The following PDZD2 variants were observed in gnomAD, a reference collection of about 807,000 sequenced individuals.
PDZD2 encodes PDZ domain-containing protein 2.
In PDZD2, 90 loss-of-function variants were observed where a neutral mutation model predicts 220.7. The ratio of observed to expected loss-of-function variants is 0.41; its 90% CI spans 0.34 to 0.49. PDZD2 has a LOEUF of 0.49. PDZD2 is among the 20% of genes least tolerant of loss of function. PDZD2 has a pLI of 0.28. For missense variants in PDZD2, 3,174 were observed against 3,608.5 expected (o/e 0.88, Z 3.08); for synonymous variants, 1,375 against 1,450.5 (o/e 0.95, Z 1.18).
intron 1 of PDZD2, among the ~76,000 whole-genome samples, chr5:31,721,158 G>A (rs1161430384): frequency 5.3e-5 from 8 of 152,214 alleles, no homozygotes; most frequent in African/African-American, 1.2e-4. Flanking sequence ...ATGGATGACT[G>A]AGCACATCCT....
chr5:31,874,749 C>A (rs944317863), intron 2 of PDZD2, among the ~76,000 whole-genome samples: 3 of 138,598 alleles, frequency 2.2e-5, no homozygotes, highest in Non-Finnish European at 3.0e-5. Context: ...CAGCAGAACA[C>A]GACTCTATCT....
At chr5:31,747,404 A>G (rs1327470059) in intron 1 of PDZD2, among the ~76,000 whole-genome samples, 3 of 152,174 alleles carry the variant, frequency 2.0e-5, no homozygotes, top group Non-Finnish European at 2.9e-5. Context: ...CTGTGTCTTC[A>G]GTGATAGGAT....
intron 5 of PDZD2, among the ~76,000 whole-genome samples, chr5:32,003,327 ACC>A (rs1404500572): frequency 6.9e-5 from 2 of 29,136 alleles, no homozygotes; most frequent in African/African-American, 1.6e-4. Context: ...CCACACACAC[ACC>A]CCCACCACAC....
At chr5:32,053,052 T>C (rs906772958) in intron 9 of PDZD2, among the ~76,000 whole-genome samples, 2 of 152,234 alleles carry the variant, frequency 1.3e-5, no homozygotes, top group Non-Finnish European at 2.9e-5. Flanking sequence ...GAAGGACCGC[T>C]AAAGTGGCCT....
rs202203587 is a variant in PDZD2, at chr5:32,088,609, C to G, written c.5161C>G (p.Pro1721Ala). Residue 1721 changes from proline (P) to alanine (A), a missense_variant, in exon 20 of 25, where the codon CCG (proline) becomes GCG (alanine). By Grantham distance (27) the Pro-to-Ala change is conservative (BLOSUM62 -1). Transcript: ENST00000438447. The surrounding 1 kb of genome is among the most constrained non-coding windows in gnomAD (Gnocchi z 4.6). ...LSKVARHFHSPPIILSSPNMV... is the reference protein window; with the variant it reads ...LSKVARHFHSAPIILSSPNMV... ...TAAAGTAGCCAGGCATTTTCACAGT[C>G]CGCCCATCATTCTCAGCTCCCCCAA... 1 of 1,614,018 alleles carries G rather than the reference C, an allele frequency of 6.2e-7. No homozygotes were observed. The highest frequency in any genetic ancestry group is 2.2e-5 in the East Asian group (1 of 44,884).
chr5:32,089,874 T>TCA lies in PDZD2; in HGVS notation c.6427_6428dup (p.Pro2144IlefsTer48). On this transcript the variant is annotated frameshift_variant, in exon 20 of 25. Transcript: ENST00000438447. LOFTEE classifies it high-confidence loss of function. ...GCCAGGTCGCAGAATCATCCACAAGTCATCCATCCTCACTCCCATCTCATG... is the reference window on the plus strand; with the variant it reads ...GCCAGGTCGCAGAATCATCCACAAGTCACATCCATCCTCACTCCCATCTCATG... The TCA allele has an allele frequency of 6.2e-7, 1 of 1,612,970 alleles. No homozygotes were observed. Among genetic ancestry groups the TCA allele is most frequent in the Non-Finnish European group, 8.5e-7 (1 of 1,179,288 alleles).
chr5:31,978,576 G>C (rs1749990789), intron 2 of PDZD2, among the ~76,000 whole-genome samples: 1 of 152,078 alleles, frequency 6.6e-6, no homozygotes, highest in South Asian at 2.1e-4. Context: ...TTAGCCAGGT[G>C]TGGTGGCAGG....
At chr5:31,841,411 A>T (rs931639534) in intron 2 of PDZD2, among the ~76,000 whole-genome samples, 12 of 152,356 alleles carry the variant, frequency 7.9e-5, no homozygotes, top group African/African-American at 2.9e-4. Flanking sequence ...ATGGTGGCTC[A>T]CACTTGAAAT....
intron 2 of PDZD2, among the ~76,000 whole-genome samples, chr5:31,926,698 C>G (rs1236432472): frequency 6.6e-6 from 1 of 152,138 alleles, no homozygotes; most frequent in African/African-American, 2.4e-5. Context: ...TACCATTCAA[C>G]CCAGCAATTC....
intron 21 of PDZD2, 107 bp downstream of exon 21, chr5:32,093,131 G>C (rs1344715793): frequency 9.0e-6 from 6 of 668,852 alleles, no homozygotes; most frequent in Non-Finnish European, 2.7e-6. Flanking sequence ...GAGTCCTGGA[G>C]AGGGAGGACT....
At chr5:31,682,021 C>A (rs1300283307) in intron 1 of PDZD2, among the ~76,000 whole-genome samples, 1 of 152,134 alleles carries the variant, frequency 6.6e-6, no homozygotes, top group Non-Finnish European at 1.5e-5. Context: ...TTTTTTGGAA[C>A]ATCGCATTCT....
chr5:31,646,895 C>T lies in PDZD2; in HGVS notation c.-361+7458C>T, dbSNP rs1035435198. On this transcript the variant is annotated intron_variant, in intron 1 of 24. Coordinates refer to ENST00000438447, the MANE Select transcript of PDZD2 (RefSeq NM_178140.4). This position sits in a 1 kb window ranked among gnomAD's most constrained non-coding sequence, Gnocchi z 4.7. ...AATGTGCTCCGAGTGTCCCCATCAG[C>T]GTGGATTCCCAAGAGAGAGCAGGCA... is the stretch of plus-strand genomic sequence containing the variant. Among the ~76,000 whole-genome samples the T allele has an allele frequency of 2.0e-5, 3 of 151,970 alleles. No homozygotes were observed. The highest frequency in any genetic ancestry group is 2.1e-4 in the South Asian group (1 of 4,830).
At chr5:31,755,616 CTTT>C (rs34226643) in intron 1 of PDZD2, among the ~76,000 whole-genome samples, 9 of 137,722 alleles carry the variant, frequency 6.5e-5, no homozygotes, top group African/African-American at 1.1e-4. Context: ...GGTGGTGTGT[CTTT>C]TTTTTTTTTT....
chr5:31,904,991 C>CAG (rs1742508223), intron 2 of PDZD2, among the ~76,000 whole-genome samples: 1 of 151,832 alleles, frequency 6.6e-6, no homozygotes, highest in South Asian at 2.1e-4. Flanking sequence ...TTTTTGGAGA[C>CAG]AGAGTCTTGC....
intron 2 of PDZD2, among the ~76,000 whole-genome samples, chr5:31,822,240 G>T (rs2150256455): frequency 6.9e-6 from 1 of 145,568 alleles, no homozygotes; most frequent in South Asian, 2.3e-4. Context: ...TGATTTATAT[G>T]TGTACATACA....
intron 1 of PDZD2, among the ~76,000 whole-genome samples, chr5:31,792,451 C>T (rs1300209446): frequency 6.6e-6 from 1 of 152,166 alleles, no homozygotes; most frequent in Non-Finnish European, 1.5e-5. Flanking sequence ...CAGAGTCTCA[C>T]TCTGTGGCCC....
chr5:31,847,061 T>C (rs1276270358), intron 2 of PDZD2, among the ~76,000 whole-genome samples: 1 of 152,234 alleles, frequency 6.6e-6, no homozygotes, highest in South Asian at 2.1e-4. Context: ...ACAACAGCAC[T>C]CAATAAACCT....
rs779637420 is a variant in PDZD2, at chr5:32,037,265, G to A, written c.1442G>A (p.Gly481Asp). Residue 481 changes from glycine to aspartate, a missense_variant, in exon 7 of 25, where the codon GGT becomes GAT. By Grantham distance (94) the Gly-to-Asp change is moderately conservative (BLOSUM62 -1). Coordinates refer to ENST00000438447, the MANE Select transcript of PDZD2 (RefSeq NM_178140.4). ...PGTDEPQDVC[G>D]AEESKGNLES... is the part of the protein sequence containing the mutation. ...ACAGATGAACCCCAAGATGTGTGCG[G>A]TGCTGAGGAATCCAAGGGGAACTTG... 10 of 1,613,748 alleles carry A rather than the reference G, an allele frequency of 6.2e-6. No homozygotes were observed. The highest frequency in any genetic ancestry group is 5.5e-5 in the South Asian group (5 of 91,066).
At chr5:31,978,515 C>T (rs561141519) in intron 2 of PDZD2, among the ~76,000 whole-genome samples, 9 of 152,092 alleles carry the variant, frequency 5.9e-5, no homozygotes, top group East Asian at 3.9e-4. Context: ...GTCAGGAGAT[C>T]GAGACCATCC....
Sources: gnomAD v4.1 joint callset for allele counts (sites outside exome capture counted in the v4.1 genomes callset) on GRCh38, gnomAD v4.1.1 for gene constraint, Gnocchi (gnomAD v3.1) non-coding constraint, MANE v1.5 for transcripts, NCBI Gene and HGNC (gene_info 2026-07-23, HGNC 2026-07-21) for gene names.